Variants in RFTN1 observed in about 807,000 individuals in gnomAD.
RFTN1 encodes raftlin, lipid raft linker 1, also known as raftlin.
RFTN1 carries 26 observed loss-of-function variants against 46.5 expected under a neutral mutation model. The observed-to-expected ratio is 0.56, with a 90% confidence interval of 0.41 to 0.78. The LOEUF is 0.78. Among genes scored for constraint, RFTN1 ranks in the 30% least tolerant of loss-of-function variants. The pLI, the probability that RFTN1 is intolerant of heterozygous loss-of-function variation, is 0.00. For synonymous variants in RFTN1, 261 were observed against 284.2 expected (o/e 0.92, Z 0.82); for missense variants, 693 against 718.7 (o/e 0.96, Z 0.41).
Position 16,317,305 on chromosome 3 carries a change from C to T in RFTN1, c.1333-73G>A, listed in dbSNP as rs940434028. On this transcript the variant is annotated intron_variant, in intron 9 of 9. Coordinates refer to ENST00000334133, the MANE Select transcript of RFTN1 (RefSeq NM_015150.2). The surrounding 1 kb of genome is among the most constrained non-coding windows in gnomAD (Gnocchi z 4.3). ...AGAGCTTCACCCAAAGCCTTGTTTG[C>T]ATTCATACCCACACCATGTCTGAGT... The T allele has an allele frequency of 2.7e-6, 4 of 1,467,596 alleles. No individual in the cohort carries two copies. The African/African-American group carries it at 4.2e-5, about 16-fold the overall frequency. The allele number at this position is 1,467,596 out of a possible 1,614,324, so 90.9% of individuals were successfully genotyped here. A position where few individuals can be genotyped will look rare whatever the true frequency, so the allele number is the denominator to read the frequency against.
At position 16,421,079 on chromosome 3, in the gene RFTN1, A is replaced by G. The variant is rs1043423792; in HGVS notation, c.333-11596T>C. ...GCGTGCCAGAAAAAAATTCCTGAGT[A>G]CCACTGTACTAACATCTTACATATG... On this transcript the variant is annotated intron_variant, in intron 3 of 9. Transcript: ENST00000334133. This position sits in a 1 kb window ranked among gnomAD's most constrained non-coding sequence, Gnocchi z 4.6. 2.0e-5 allele frequency among the ~76,000 whole-genome samples: 3 copies of G among 152,234 alleles called. No homozygotes were observed. Among genetic ancestry groups the G allele is most frequent in the Admixed American group, 6.5e-5 (1 of 15,284 alleles).
intron 1 of RFTN1, 112 bp from the exon 2 acceptor site, chr3:16,493,989 A>G (rs1191477098): frequency 1.7e-6 from 2 of 1,174,530 alleles, no homozygotes; most frequent in Non-Finnish European, 2.4e-6. Context: ...GACAGACCTC[A>G]GCCCTTATGA....
chr3:16,377,388 C>T (rs2073816730), intron 5 of RFTN1, among the ~76,000 whole-genome samples: 1 of 152,204 alleles, frequency 6.6e-6, no homozygotes, highest in Admixed American at 6.5e-5. Flanking sequence ...CAGGCTGACA[C>T]TTCCTGTGTG....
Position 16,327,546 on chromosome 3 carries a change from T to C in RFTN1, c.1147-670A>G, listed in dbSNP as rs570336845. Among the ~76,000 whole-genome samples, 2 of 151,876 alleles carry C rather than the reference T, an allele frequency of 1.3e-5. No homozygotes were observed. Among genetic ancestry groups the C allele is most frequent in the African/African-American group, 2.4e-5 (1 of 41,352 alleles). Reference sequence around the variant, plus strand: ...AGGCTGAGGCAGGTGGATCACATGGTCAGGAGATCAAGACCATCCTGGCTA... The same window carrying C: ...AGGCTGAGGCAGGTGGATCACATGGCCAGGAGATCAAGACCATCCTGGCTA... On this transcript the variant is annotated intron_variant, in intron 7 of 9. Transcript: ENST00000334133. This position sits in a 1 kb window ranked among gnomAD's most constrained non-coding sequence, Gnocchi z 4.2.
In RFTN1 at chr3:16,507,624, A is replaced by C. The variant is rs911522115; in HGVS notation, c.-9+5818T>G. On this transcript the variant is annotated intron_variant, in intron 1 of 9. Transcript: ENST00000334133. This position sits in a 1 kb window ranked among gnomAD's most constrained non-coding sequence, Gnocchi z 7.1. ...AACACACACACACACACACACACAT[A>C]CACACACACATGCACACATCCACAA... 6.7e-6 allele frequency among the ~76,000 whole-genome samples: 1 copy of C among 150,298 alleles called. No homozygotes were observed. Among genetic ancestry groups the C allele is most frequent in the Non-Finnish European group, 1.5e-5 (1 of 67,882 alleles).
rs1455615489 is a variant in RFTN1, at chr3:16,413,386, A to G, written c.333-3903T>C. Among the ~76,000 whole-genome samples the G allele has an allele frequency of 6.6e-6, 1 of 152,202 alleles. No individual in the cohort carries two copies. Among genetic ancestry groups the G allele is most frequent in the African/African-American group, 2.4e-5 (1 of 41,440 alleles). ...ACAAAGGAATAAATATTCCGCTATC[A>G]ATCTAGTTTCTATGGAAGAAGCATT... On this transcript the variant is annotated intron_variant, in intron 3 of 9. Transcript: ENST00000334133. The surrounding 1 kb of genome is among the most constrained non-coding windows in gnomAD (Gnocchi z 4.7).
rs1275149226 is a variant in RFTN1, at chr3:16,352,745, TTC to T, written c.1146+5185_1146+5186del. 6.6e-6 allele frequency among the ~76,000 whole-genome samples: 1 copy of T among 152,188 alleles called. No individual in the cohort carries two copies. Among genetic ancestry groups the T allele is most frequent in the Middle Eastern group, 3.2e-3 (1 of 316 alleles). On this transcript the variant is annotated intron_variant, in intron 7 of 9. Transcript: ENST00000334133. The surrounding 1 kb of genome is among the most constrained non-coding windows in gnomAD (Gnocchi z 4.6). ...TACATTCACAACTTTTTAATATATT[TTC>T]TCTTTTAATTCTCATCAATTTTGAG...
chr3:16,462,191 G>A (rs774681978), intron 2 of RFTN1, among the ~76,000 whole-genome samples: 17 of 152,214 alleles, frequency 1.1e-4, no homozygotes, highest in Non-Finnish European at 2.2e-4. Context: ...TACAATGGTG[G>A]TAATAAGGGA....
chr3:16,467,852 C>A (rs1353130973), intron 2 of RFTN1, among the ~76,000 whole-genome samples: 1 of 152,112 alleles, frequency 6.6e-6, no homozygotes, highest in Non-Finnish European at 1.5e-5. Flanking sequence ...GGGAGCAGAC[C>A]CCAGAGGAAG....
At position 16,316,069 on chromosome 3, in the gene RFTN1, G is replaced by T. The variant is rs2068358331; in HGVS notation, c.*759C>A. On this transcript the variant is annotated 3_prime_UTR_variant, in exon 10 of 10. Transcript: ENST00000334133. The surrounding 1 kb of genome is among the most constrained non-coding windows in gnomAD (Gnocchi z 4.5). ...ACTGATTAAAATAGCACATAACAAGGGCGCCAGCCAGTCCCGATGCCCTGA... is the reference window on the plus strand; with the variant it reads ...ACTGATTAAAATAGCACATAACAAGTGCGCCAGCCAGTCCCGATGCCCTGA... The T allele has an allele frequency of 6.5e-6, 1 of 152,682 alleles. No homozygotes were observed. The highest frequency in any genetic ancestry group is 6.5e-5 in the Admixed American group (1 of 15,288). 9.5% of individuals were successfully genotyped at this position (152,682 alleles called of 1,614,324 possible).
At chr3:16,349,119 T>C (rs2071922677) in intron 7 of RFTN1, 1 of 152,260 alleles carries the variant, frequency 6.6e-6, no homozygotes, top group Non-Finnish European at 1.5e-5. Context: ...GGGAAATGAC[T>C]TACCTGGGCA....
At chr3:16,347,160 TC>T (rs1247606605) in intron 7 of RFTN1, among the ~76,000 whole-genome samples, 1 of 152,158 alleles carries the variant, frequency 6.6e-6, no homozygotes, top group Non-Finnish European at 1.5e-5. Flanking sequence ...CCACTATGGC[TC>T]CCTTCAACCC....
In RFTN1 at chr3:16,443,352, T is replaced by C. The variant is rs1303066529; in HGVS notation, c.146-9315A>G. Among the ~76,000 whole-genome samples the C allele has an allele frequency of 6.6e-6, 1 of 152,220 alleles. No individual in the cohort carries two copies. Among genetic ancestry groups the C allele is most frequent in the Non-Finnish European group, 1.5e-5 (1 of 68,032 alleles). On this transcript the variant is annotated intron_variant, in intron 2 of 9. Transcript: ENST00000334133. The surrounding 1 kb of genome is among the most constrained non-coding windows in gnomAD (Gnocchi z 5.5). The stretch of plus-strand genomic sequence containing the variant: ...ATGTTAATAAGCATTCTTTCATATA[T>C]GTGTGGGCCACTTTTATATCTCCTT...
rs2072419362 is a variant in RFTN1 at position 16,356,125 on chromosome 3, G to A, written c.1146+1807C>T. Among the ~76,000 whole-genome samples, 1 of 152,146 alleles carries A rather than the reference G, an allele frequency of 6.6e-6. No individual in the cohort carries two copies. The highest frequency in any genetic ancestry group is 2.1e-4 in the South Asian group (1 of 4,822). ...AGCCTTCACTCCACCACACGTGATG[G>A]GCCATGTGACCTGCCCAGCTTACAA... On this transcript the variant is annotated intron_variant, in intron 7 of 9. Coordinates refer to ENST00000334133, the MANE Select transcript of RFTN1 (RefSeq NM_015150.2). This position sits in a 1 kb window ranked among gnomAD's most constrained non-coding sequence, Gnocchi z 4.9.
intron 4 of RFTN1, among the ~76,000 whole-genome samples, chr3:16,389,078 T>A (rs1215483594): frequency 6.6e-6 from 1 of 152,240 alleles, no homozygotes; most frequent in African/African-American, 2.4e-5. Context: ...TGCTTTAACA[T>A]CCAGTATTCG....
At position 16,337,592 on chromosome 3, in the gene RFTN1, A is replaced by C. The variant is rs1196061139; in HGVS notation, c.1147-10716T>G. Among the ~76,000 whole-genome samples, 5 of 151,932 alleles carry C rather than the reference A, an allele frequency of 3.3e-5. No individual in the cohort carries two copies. Among genetic ancestry groups the C allele is most frequent in the African/African-American group, 1.2e-4 (5 of 41,354 alleles). On this transcript the variant is annotated intron_variant, in intron 7 of 9. Coordinates refer to ENST00000334133, the MANE Select transcript of RFTN1 (RefSeq NM_015150.2). This position sits in a 1 kb window ranked among gnomAD's most constrained non-coding sequence, Gnocchi z 5.0. Reference sequence around the variant, plus strand: ...CCTCGTCTCTACTAAAAATACAAAAATTAGCCAAGCATGGTGGCAGGCGCC... The same window carrying C: ...CCTCGTCTCTACTAAAAATACAAAACTTAGCCAAGCATGGTGGCAGGCGCC...
At chr3:16,323,270 G>A (rs895588523) in intron 9 of RFTN1, 106 bp downstream of exon 9, 39 of 796,302 alleles carry the variant, frequency 4.9e-5, no homozygotes, top group Non-Finnish European at 7.6e-5. Flanking sequence ...TGGGCTCTGC[G>A]AGCCCTTGGA....
chr3:16,485,876 T>A (rs2076439832), intron 2 of RFTN1, among the ~76,000 whole-genome samples: 1 of 152,356 alleles, frequency 6.6e-6, no homozygotes, highest in Non-Finnish European at 1.5e-5. Flanking sequence ...AAGCTTTGAG[T>A]GGAAAGAGCT....
rs1443459350 is a variant in RFTN1 at position 16,361,441 on chromosome 3, A to G, written c.1031-3394T>C. 6.6e-6 allele frequency among the ~76,000 whole-genome samples: 1 copy of G among 152,184 alleles called. No homozygotes were observed. The highest frequency in any genetic ancestry group is 6.5e-5 in the Admixed American group (1 of 15,276). ...ATGTCAGAGGTGATACATGCTAGAA[A>G]AATACTAAGTGGGCCAAGGGGAGAG... On this transcript the variant is annotated intron_variant, in intron 6 of 9. Transcript: ENST00000334133. This position sits in a 1 kb window ranked among gnomAD's most constrained non-coding sequence, Gnocchi z 4.3.
Sources: gnomAD v4.1 joint callset for allele counts (sites outside exome capture counted in the v4.1 genomes callset) on GRCh38, gnomAD v4.1.1 for gene constraint, Gnocchi (gnomAD v3.1) non-coding constraint, MANE v1.5 for transcripts, NCBI Gene and HGNC (gene_info 2026-07-23, HGNC 2026-07-21) for gene names.